The following RASAL2 variants were observed in gnomAD, a reference collection of about 807,000 sequenced individuals.
RASAL2 encodes ras GTPase-activating protein nGAP.
Under a neutral mutation model 128.9 loss-of-function variants are expected in RASAL2, and 58 were observed. The ratio of observed to expected loss-of-function variants is 0.45; its 90% CI spans 0.36 to 0.56. RASAL2 has a LOEUF of 0.56. Ranked by LOEUF, RASAL2 falls within the 20% of genes least tolerant of loss-of-function variation. The pLI is 0.00. For synonymous variants in RASAL2, 561 were observed against 580.8 expected (o/e 0.97, Z 0.49); for missense variants, 1,360 against 1,601.6 (o/e 0.85, Z 2.57).
At chr1:178,235,810 TCATCCCTTATTTCCCACAAGC>T (rs1664208064) in intron 1 of RASAL2, among the ~76,000 whole-genome samples, 1 of 152,156 alleles carries the variant, frequency 6.6e-6, no homozygotes. Flanking sequence ...GAGCCTTTCT[TCATCCCTTATTTCCCACAAGC>T]AAAAGACTAC....
chr1:178,315,215 G>T (rs1276804417), intron 3 of RASAL2, among the ~76,000 whole-genome samples: 1 of 148,448 alleles, frequency 6.7e-6, no homozygotes, highest in East Asian at 2.0e-4. Context: ...TTGGTTCCAA[G>T]TCTTTGCTAT....
chr1:178,426,865 A>G (rs866977445), intron 5 of RASAL2, among the ~76,000 whole-genome samples: 1 of 152,182 alleles, frequency 6.6e-6, no homozygotes, highest in African/African-American at 2.4e-5. Flanking sequence ...GATCAAGAAA[A>G]TGACCTAATC....
In RASAL2 at chr1:178,263,935, A is replaced by G. The variant is rs571032499; in HGVS notation, c.203-19629A>G. On this transcript the variant is annotated intron_variant, in intron 1 of 17. Transcript: ENST00000367649. ...TAAACAACTCCATAGGAATTCTAGC[A>G]GAGGTCAGCGTGTGCCATTGTGCTC... Among the ~76,000 whole-genome samples, 89 of 152,352 alleles carry G rather than the reference A, an allele frequency of 5.8e-4. 1 individual carries two copies. The South Asian group carries it at 9.5e-3, about 16-fold the overall frequency.
chr1:178,411,150 TG>T (rs869270266), intron 4 of RASAL2, among the ~76,000 whole-genome samples: 167 of 86,708 alleles, frequency 1.9e-3, no homozygotes, highest in African/African-American at 5.1e-3. Context: ...AAAGAAAATG[TG>T]GTGTGTGTGT....
At chr1:178,458,630 AT>A in intron 14 of RASAL2, 86 bp downstream of exon 14, 1 of 1,467,904 alleles carries the variant, frequency 6.8e-7, no homozygotes, top group Admixed American at 2.3e-5. Context: ...GGGAAATCCT[AT>A]TGTTAACAAG....
chr1:178,158,096 T>G (rs1183269653), intron 1 of RASAL2, among the ~76,000 whole-genome samples: 2 of 152,348 alleles, frequency 1.3e-5, no homozygotes, highest in East Asian at 3.9e-4. Flanking sequence ...GAGACCAGGT[T>G]AGGTAGGCAG....
chr1:178,374,682 C>G (rs1187267540), intron 3 of RASAL2, among the ~76,000 whole-genome samples: 1 of 152,106 alleles, frequency 6.6e-6, no homozygotes, highest in Non-Finnish European at 1.5e-5. Flanking sequence ...GCCTTTCACA[C>G]CTGACATTCT....
At chr1:178,235,542 G>A (rs1664193953) in intron 1 of RASAL2, among the ~76,000 whole-genome samples, 1 of 152,088 alleles carries the variant, frequency 6.6e-6, no homozygotes, top group Non-Finnish European at 1.5e-5. Context: ...TGTCCTACCA[G>A]TAACATAACA....
chr1:178,152,374 A>G (rs1225901161), intron 1 of RASAL2, among the ~76,000 whole-genome samples: 2 of 152,152 alleles, frequency 1.3e-5, no homozygotes, highest in African/African-American at 4.8e-5. Context: ...CTTATAATAA[A>G]TCGTAAATAT....
chr1:178,247,151 C>T (rs1664801387), intron 1 of RASAL2, among the ~76,000 whole-genome samples: 1 of 152,152 alleles, frequency 6.6e-6, no homozygotes, highest in East Asian at 1.9e-4. Context: ...GTACCAGCTC[C>T]TCTTTGTACC....
At chr1:178,274,975 T>C (rs1666427605) in intron 1 of RASAL2, among the ~76,000 whole-genome samples, 2 of 152,218 alleles carry the variant, frequency 1.3e-5, no homozygotes, top group South Asian at 4.1e-4. Context: ...AGTATATAAG[T>C]GACCTATTTT....
At chr1:178,340,987 A>T (rs1410769976) in intron 3 of RASAL2, among the ~76,000 whole-genome samples, 1 of 152,206 alleles carries the variant, frequency 6.6e-6, no homozygotes, top group Non-Finnish European at 1.5e-5. Flanking sequence ...TAAATTTTAG[A>T]TATTTCCGTT....
At chr1:178,322,185 A>G (rs1176263359) in intron 3 of RASAL2, among the ~76,000 whole-genome samples, 4 of 151,990 alleles carry the variant, frequency 2.6e-5, no homozygotes, top group African/African-American at 9.7e-5. Context: ...GTGGTTTTTA[A>G]TGATCGACTT....
chr1:178,418,303 A>G (rs1674904198), intron 4 of RASAL2, among the ~76,000 whole-genome samples: 1 of 152,186 alleles, frequency 6.6e-6, no homozygotes, highest in Admixed American at 6.5e-5. Flanking sequence ...AAAATTGTAA[A>G]CTAGAGAAAA....
chr1:178,305,911 T>G (rs563157716), intron 3 of RASAL2, among the ~76,000 whole-genome samples: 5 of 152,252 alleles, frequency 3.3e-5, no homozygotes, highest in African/African-American at 9.6e-5. Flanking sequence ...AAGGAAGAAC[T>G]AAAGAGGAAA....
At chr1:178,327,119 A>C (rs969060518) in intron 3 of RASAL2, among the ~76,000 whole-genome samples, 3 of 152,140 alleles carry the variant, frequency 2.0e-5, no homozygotes, top group African/African-American at 4.8e-5. Flanking sequence ...TAAAATCATC[A>C]AACTCTTAAA....
At chr1:178,402,945 T>C (rs16852781) in intron 4 of RASAL2, among the ~76,000 whole-genome samples, 10,809 of 152,160 alleles carry the variant, frequency 0.071, 1,235 homozygotes, top group African/African-American at 0.24. Flanking sequence ...GACTGTCCAA[T>C]AGGCTAATAG....
intron 1 of RASAL2, among the ~76,000 whole-genome samples, chr1:178,143,791 T>G (rs1183005357): frequency 6.6e-6 from 1 of 151,272 alleles, no homozygotes; most frequent in African/African-American, 2.4e-5. Context: ...CATTCATGTA[T>G]TACTTATACA....
rs1221104123 is a variant in RASAL2 at position 178,290,744 on chromosome 1, C to T, written c.330+7053C>T. ...AGGCTGAAGTGCGGTGGTGCGATCT[C>T]GGCTCGCTGCAAGCTCCGCCTCCTG... On this transcript the variant is annotated intron_variant, in intron 2 of 17. Transcript: ENST00000367649. Among the ~76,000 whole-genome samples the T allele has an allele frequency of 2.0e-5, 3 of 152,024 alleles. No homozygotes were observed. In the East Asian group the frequency reaches 5.8e-4, roughly 29 times the overall value.
Sources: allele counts gnomAD v4.1 joint callset (sites outside exome capture counted in the v4.1 genomes callset), GRCh38; gene constraint gnomAD v4.1.1; transcripts MANE v1.5; gene names NCBI Gene and HGNC (gene_info 2026-07-23, HGNC 2026-07-21).